SP110: variants seen among roughly 807,000 people sequenced by gnomAD.
SP110 encodes SP110 nuclear body protein.
SP110 carries 62 observed loss-of-function variants against 92.7 expected under a neutral mutation model. The ratio of observed to expected loss-of-function variants is 0.67; its 90% CI spans 0.55 to 0.83. The LOEUF is 0.83. Ranked by LOEUF, SP110 falls within the 40% of genes least tolerant of loss-of-function variation. The pLI, the probability that SP110 is intolerant of heterozygous loss-of-function variation, is 0.00. For synonymous variants in SP110, 273 were observed against 305.3 expected (o/e 0.89, Z 1.10); for missense variants, 793 against 863.9 (o/e 0.92, Z 1.03).
intron 10 of SP110, among the ~76,000 whole-genome samples, chr2:230,194,497 A>G (rs1344061474): frequency 2.6e-5 from 4 of 152,072 alleles, no homozygotes; most frequent in Non-Finnish European, 5.9e-5. Context: ...CAGAAAGGGA[A>G]GAGGGAGAGA....
intron 9 of SP110, among the ~76,000 whole-genome samples, chr2:230,201,784 G>A (rs114312838): frequency 2.0e-5 from 3 of 152,318 alleles, no homozygotes; most frequent in Non-Finnish European, 4.4e-5. Context: ...ATGCAAGGTG[G>A]ATTAATGTAT....
intron 14 of SP110, chr2:230,176,686 C>T (rs781223552): frequency 1.1e-5 from 18 of 1,613,752 alleles, no homozygotes; most frequent in Non-Finnish European, 1.4e-5. Flanking sequence ...TTAACTCTCT[C>T]TTGAGATTTA....
At chr2:230,202,484 A>G (rs2043280242) in intron 9 of SP110, 95 bp downstream of exon 9, 2 of 1,188,424 alleles carry the variant, frequency 1.7e-6, no homozygotes, top group Non-Finnish European at 1.2e-6. Flanking sequence ...TCCTTTTACT[A>G]TTGACTTTAC....
chr2:230,207,913 C>T (rs1574719778), intron 8 of SP110, 78 bp downstream of exon 8: 1 of 737,174 alleles, frequency 1.4e-6, no homozygotes, highest in East Asian at 2.6e-5. Context: ...GAATAAAATT[C>T]AACCCTCCAC....
intron 10 of SP110, among the ~76,000 whole-genome samples, chr2:230,190,316 G>A (rs535561890): frequency 5.3e-5 from 8 of 150,452 alleles, no homozygotes; most frequent in South Asian, 2.1e-4. Context: ...GATGTTGAGC[G>A]TTTTTCCATA....
intron 3 of SP110, 53 bp from the exon 4 acceptor site, chr2:230,213,080 G>T: frequency 6.3e-7 from 1 of 1,583,020 alleles, no homozygotes; most frequent in South Asian, 1.1e-5. Context: ...AGAATTACTT[G>T]GGGAAGGGGA....
rs1189781158 is a variant in SP110, at chr2:230,209,801, C to T, written c.829+130G>A. 5.5e-6 allele frequency: 4 copies of T among 722,992 alleles called. No homozygotes were observed. In the East Asian group the frequency reaches 7.4e-5, roughly 13 times the overall value. 44.8% of individuals were successfully genotyped at this position (722,992 alleles called of 1,614,324 possible). On this transcript the variant is annotated intron_variant, in intron 7 of 18. Transcript: ENST00000258381. Reference sequence around the variant, plus strand: ...TGGAAGATGCAGCAAATGGAAACTGCAGAAACGAACTGTGTGTGGCATCAG... The same window carrying T: ...TGGAAGATGCAGCAAATGGAAACTGTAGAAACGAACTGTGTGTGGCATCAG...
chr2:230,171,606 G>A lies in SP110; in HGVS notation c.1887+90C>T, dbSNP rs983620263. The A allele has an allele frequency of 3.0e-6, 3 of 1,000,250 alleles. No homozygotes were observed. The African/African-American group carries it at 4.8e-5, about 16-fold the overall frequency. The allele number at this position is 1,000,250 out of a possible 1,614,324, so 62.0% of individuals were successfully genotyped here. On this transcript the variant is annotated intron_variant, in intron 17 of 18. Transcript: ENST00000258381. ...CGCTGCCCTTCTCTTCTGTTCTCCA[G>A]CTTCCTGAGCAAACTGCAGCACCTG...
rs1553839905 is a variant in SP110 at position 230,168,917 on chromosome 2, A to ATTTTTTTTTTT, written c.*196_*206dup. The ATTTTTTTTTTT allele has an allele frequency of 8.6e-4, 368 of 425,822 alleles. 3 individuals are homozygous for ATTTTTTTTTTT. Among genetic ancestry groups the ATTTTTTTTTTT allele is most frequent in the Non-Finnish European group, 1.3e-3 (296 of 227,556 alleles). 26.4% of individuals were successfully genotyped at this position (425,822 alleles called of 1,614,324 possible). A position where few individuals can be genotyped will look rare whatever the true frequency, so the allele number is the denominator to read the frequency against. The stretch of plus-strand genomic sequence containing the variant: ...ATCTGATGGTATTAAGGAAGTATTA[A>ATTTTTTTTTTT]TTTTTTTTTTTTTTAGTGTAGATAT... On this transcript the variant is annotated 3_prime_UTR_variant, in exon 19 of 19. Coordinates refer to ENST00000258381, the MANE Select transcript of SP110 (RefSeq NM_080424.4).
chr2:230,225,488 G>A (rs2046209672), intron 1 of SP110: 5 of 357,302 alleles, frequency 1.4e-5, no homozygotes, highest in South Asian at 9.0e-5. Flanking sequence ...TCAGCAAGGG[G>A]TGGGGACAAA....
Position 230,172,048 on chromosome 2 carries a change from G to A in SP110, c.1815+18C>T, listed in dbSNP as rs903876268. On this transcript the variant is annotated intron_variant, in intron 16 of 18. Transcript: ENST00000258381. ...TGAGAAGGGAAAAGTATAGGTTTGGGGTTTGCATCCAACTCACCAGCTGGT... is the reference window on the plus strand; with the variant it reads ...TGAGAAGGGAAAAGTATAGGTTTGGAGTTTGCATCCAACTCACCAGCTGGT... The A allele has an allele frequency of 7.0e-7, 1 of 1,427,888 alleles. No individual in the cohort carries two copies. Among genetic ancestry groups the A allele is most frequent in the East Asian group, 2.3e-5 (1 of 44,112 alleles). The allele number at this position is 1,427,888 out of a possible 1,614,324, so 88.5% of individuals were successfully genotyped here.
At chr2:230,170,822 A>C in intron 17 of SP110, 61 bp from the exon 18 acceptor site, 1 of 1,534,000 alleles carries the variant, frequency 6.5e-7, no homozygotes, top group Non-Finnish European at 9.0e-7. Flanking sequence ...AATGGATCCA[A>C]CTTAAATACA....
chr2:230,213,146 C>T, intron 3 of SP110, 119 bp from the exon 4 acceptor site: 9 of 972,628 alleles, frequency 9.3e-6, no homozygotes, highest in Non-Finnish European at 1.5e-5. Flanking sequence ...CATTGTCCCC[C>T]AGGTGCAGAG....
At position 230,177,554 on chromosome 2, in the gene SP110, A is replaced by G; in HGVS notation, c.1574T>C (p.Leu525Pro). 6.2e-7 allele frequency: 1 copy of G among 1,614,078 alleles called. No homozygotes were observed. Among genetic ancestry groups the G allele is most frequent in the Non-Finnish European group, 8.5e-7 (1 of 1,179,928 alleles). The part of the protein sequence containing the change: ...KRNIRCEGMT[L>P]GELLKRKNSD... Reference sequence around the variant, plus strand: ...TTATAATACCTTCAGCAGCTCTCCTAGGGTCATTCCTTCACAACGTATATT... The same window carrying G: ...TTATAATACCTTCAGCAGCTCTCCTGGGGTCATTCCTTCACAACGTATATT... Residue 525 changes from leucine (L) to proline (P), a missense_variant, in exon 14 of 19, where the codon CTA becomes CCA. Leu to Pro is a moderately conservative substitution (Grantham distance 98). Transcript: ENST00000258381.
intron 7 of SP110, among the ~76,000 whole-genome samples, chr2:230,208,692 CAGTA>C: frequency 6.6e-6 from 1 of 152,142 alleles, no homozygotes; most frequent in South Asian, 2.1e-4. Context: ...CATTGTCACA[CAGTA>C]AGGAGAGATG....
At chr2:230,200,553 A>T in intron 10 of SP110, 1 of 292,142 alleles carries the variant, frequency 3.4e-6, no homozygotes, top group South Asian at 4.1e-5. Context: ...CTGTACTTTC[A>T]GTATAGTACC....
Position 230,169,206 on chromosome 2 carries a change from A to G in SP110, c.2060T>C (p.Leu687Ser), listed in dbSNP as rs1192122157. Residue 687 changes from leucine to serine, a missense_variant, in exon 19 of 19, where the codon TTA (leucine) becomes TCA (serine). Transcript: ENST00000258381. Reference protein sequence around the residue: ...ASDFGQVGLDLEAEFEKDLKD... With the variant: ...ASDFGQVGLDSEAEFEKDLKD... ...GAGATCTTTTTCAAATTCTGCCTCT[A>G]AGTCAAGTCCTACCTGGCCAAAGTC... 1 of 1,613,428 alleles carries G rather than the reference A, an allele frequency of 6.2e-7. No individual in the cohort carries two copies. The highest frequency in any genetic ancestry group is 8.5e-7 in the Non-Finnish European group (1 of 1,179,324).
Position 230,177,547 on chromosome 2 carries a change from C to A in SP110, c.1581G>T (p.Glu527Asp). 1.9e-6 allele frequency: 3 copies of A among 1,614,140 alleles called. No homozygotes were observed. The highest frequency in any genetic ancestry group is 2.5e-6 in the Non-Finnish European group (3 of 1,179,964). Residue 527 changes from glutamate to aspartate, a missense_variant, in exon 14 of 19, where the codon GAG becomes GAT. Transcript: ENST00000258381. Reference protein sequence around the residue: ...NIRCEGMTLGELLKRKNSDEC... With the variant: ...NIRCEGMTLGDLLKRKNSDEC... ...CCCGTCATTATAATACCTTCAGCAG[C>A]TCTCCTAGGGTCATTCCTTCACAAC...
In SP110 at chr2:230,186,206, C is replaced by G. The variant is rs937350998; in HGVS notation, c.1130-63G>C. On this transcript the variant is annotated intron_variant, in intron 10 of 18. Transcript: ENST00000258381. ...CCTTCTCATGTTCCCAGCCCCTACC[C>G]TTTCAGGAGTTATCTTGCCATTTCT... The G allele has an allele frequency of 2.5e-5, 38 of 1,510,922 alleles. No homozygotes were observed. In the African/African-American group the frequency reaches 4.0e-4, roughly 16 times the overall value. The allele number at this position is 1,510,922 out of a possible 1,614,324, so 93.6% of individuals were successfully genotyped here. A position where few individuals can be genotyped will look rare whatever the true frequency, so the allele number is the denominator to read the frequency against.
Sources: gnomAD v4.1 joint callset for allele counts (sites outside exome capture counted in the v4.1 genomes callset) on GRCh38, gnomAD v4.1.1 for gene constraint, MANE v1.5 for transcripts, NCBI Gene and HGNC (gene_info 2026-07-23, HGNC 2026-07-21) for gene names.